The following PTPRD variants were observed in gnomAD, a reference collection of about 807,000 sequenced individuals.
The protein encoded by PTPRD is receptor-type tyrosine-protein phosphatase delta.
A neutral mutation model predicts 214.5 loss-of-function variants in PTPRD; 34 were observed. The observed-to-expected ratio is 0.16, with a 90% CI of 0.12 to 0.21. The LOEUF (loss-of-function observed/expected upper bound fraction) is 0.21, where lower values mean the gene tolerates loss of function less well. Among genes scored for constraint, PTPRD ranks in the 10% least tolerant of loss-of-function variants. The probability of loss-of-function intolerance (pLI) is 1.00; values close to 1 mark genes in which losing one functional copy is unlikely to be tolerated. For missense variants in PTPRD, 2,545 were observed against 2,398.7 expected (o/e 1.06, Z -1.27); for synonymous variants, 1,128 against 845.7 (o/e 1.33, Z -5.79).
At chr9:8,758,960 C>A (rs1460004423) in intron 11 of PTPRD, among the ~76,000 whole-genome samples, 1 of 151,886 alleles carries the variant, frequency 6.6e-6, no homozygotes, top group Non-Finnish European at 1.5e-5. Context: ...GCTGGGATTG[C>A]AGGCGTGAGC....
chr9:10,163,522 C>A (rs1011857635), intron 3 of PTPRD, among the ~76,000 whole-genome samples: 2 of 151,386 alleles, frequency 1.3e-5, no homozygotes, highest in Admixed American at 1.3e-4. Context: ...ATTAAAGTTG[C>A]TGTTATTTTT....
At chr9:10,297,575 G>A (rs2095717511) in intron 3 of PTPRD, among the ~76,000 whole-genome samples, 2 of 132,074 alleles carry the variant, frequency 1.5e-5, no homozygotes, top group Non-Finnish European at 3.1e-5. Flanking sequence ...TCTGTAATGA[G>A]TTGTGTTTTT....
chr9:8,497,167 C>T (rs2097294672), intron 26 of PTPRD, 75 bp downstream of exon 26: 2 of 1,307,046 alleles, frequency 1.5e-6, no homozygotes, highest in South Asian at 1.4e-5. Context: ...TGACAGATCA[C>T]AAATAAGTGA....
At chr9:9,570,324 C>G (rs1039235297) in intron 8 of PTPRD, among the ~76,000 whole-genome samples, 1 of 151,480 alleles carries the variant, frequency 6.6e-6, no homozygotes, top group Non-Finnish European at 1.5e-5. Flanking sequence ...TCAGTTTCCA[C>G]TATTTTCCTT....
chr9:9,685,708 A>C (rs2097154993), intron 7 of PTPRD, among the ~76,000 whole-genome samples: 1 of 145,602 alleles, frequency 6.9e-6, no homozygotes, highest in Non-Finnish European at 1.5e-5. Context: ...CATTACCCAG[A>C]AAAAAAAAAA....
At chr9:9,811,920 T>A (rs1442478535) in intron 5 of PTPRD, among the ~76,000 whole-genome samples, 6 of 152,148 alleles carry the variant, frequency 3.9e-5, no homozygotes, top group Non-Finnish European at 5.9e-5. Context: ...TAGAAATCTT[T>A]CAGGACAGGA....
intron 34 of PTPRD, among the ~76,000 whole-genome samples, chr9:8,442,112 G>A (rs1159586330): frequency 1.3e-5 from 2 of 152,132 alleles, no homozygotes; most frequent in Non-Finnish European, 2.9e-5. Flanking sequence ...GTATTTTCCA[G>A]TTATTTCTTG....
intron 4 of PTPRD, among the ~76,000 whole-genome samples, chr9:9,950,328 G>A (rs1222246335): frequency 1.3e-5 from 2 of 152,152 alleles, no homozygotes; most frequent in Non-Finnish European, 2.9e-5. Context: ...CATTTCCCAA[G>A]AGGCACAACT....
rs1821721511 is a variant in PTPRD at position 8,316,305 on chromosome 9, T to TA, written c.*1568dup. 1 of 230,862 alleles carries TA rather than the reference T, an allele frequency of 4.3e-6. No individual in the cohort carries two copies. Among genetic ancestry groups the TA allele is most frequent in the African/African-American group, 2.2e-5 (1 of 45,158 alleles). 14.3% of individuals were successfully genotyped at this position (230,862 alleles called of 1,614,324 possible). A position where few individuals can be genotyped will look rare whatever the true frequency, so the allele number is the denominator to read the frequency against. On this transcript the variant is annotated 3_prime_UTR_variant, in exon 46 of 46. Transcript: ENST00000381196. ...GTGAATGGAAATACGAACCAAAAGC[T>TA]AAAAAGAAATGCTATTAAAATAGGC... is the stretch of plus-strand genomic sequence containing the variant.
chr9:10,084,823 T>G (rs10122248), intron 3 of PTPRD, among the ~76,000 whole-genome samples: 55,429 of 151,674 alleles, frequency 0.37, 12,814 homozygotes, highest in African/African-American at 0.66. Context: ...AGCTGTAGTT[T>G]CCTGGTTCCT....
At chr9:10,043,258 A>G (rs1303013179) in intron 3 of PTPRD, among the ~76,000 whole-genome samples, 1 of 151,946 alleles carries the variant, frequency 6.6e-6, no homozygotes, top group African/African-American at 2.4e-5. Context: ...CTAGTATCTT[A>G]TTAGTTAAAT....
At position 9,013,111 on chromosome 9, in the gene PTPRD, G is replaced by C. The variant is rs139657244; in HGVS notation, c.-104+5586C>G. On this transcript the variant is annotated intron_variant, in intron 11 of 45. Transcript: ENST00000381196. ...GCTTGTTTGTTTTTTAAGCACCAAT[G>C]CTATTTGAAAATTCTTGCTAGCTCT... is the stretch of plus-strand genomic sequence containing the variant. 5.5e-3 allele frequency among the ~76,000 whole-genome samples: 843 copies of C among 152,156 alleles called. 5 individuals are homozygous for C. Among genetic ancestry groups the C allele is most frequent in the Non-Finnish European group, 9.7e-3 (662 of 67,972 alleles).
intron 11 of PTPRD, among the ~76,000 whole-genome samples, chr9:8,939,514 T>C (rs963335596): frequency 7.9e-5 from 12 of 152,308 alleles, no homozygotes; most frequent in Admixed American, 6.5e-4. Context: ...ATAAAATGTA[T>C]AGCATTGCTG....
At chr9:10,561,907 A>G (rs1162027290) in intron 2 of PTPRD, among the ~76,000 whole-genome samples, 2 of 152,158 alleles carry the variant, frequency 1.3e-5, no homozygotes, top group African/African-American at 2.4e-5. Context: ...ATAAATAAGT[A>G]TGTATTTTAT....
At chr9:9,286,721 T>G (rs539338562) in intron 9 of PTPRD, among the ~76,000 whole-genome samples, 1 of 150,700 alleles carries the variant, frequency 6.6e-6, no homozygotes, top group Non-Finnish European at 1.5e-5. Flanking sequence ...GTAGTTGTCA[T>G]TTTGCACATC....
chr9:10,142,031 C>T (rs1390196584), intron 3 of PTPRD, among the ~76,000 whole-genome samples: 1 of 151,978 alleles, frequency 6.6e-6, no homozygotes, highest in Non-Finnish European at 1.5e-5. Context: ...GGAAAGGATT[C>T]CCTATTTAAT....
intron 11 of PTPRD, among the ~76,000 whole-genome samples, chr9:8,801,764 T>C (rs1314143270): frequency 6.6e-6 from 1 of 152,202 alleles, no homozygotes; most frequent in Non-Finnish European, 1.5e-5. Context: ...ACAGGAGTGT[T>C]ACCCATTAAA....
intron 3 of PTPRD, among the ~76,000 whole-genome samples, chr9:10,290,071 A>T (rs1259085422): frequency 6.6e-6 from 1 of 152,172 alleles, no homozygotes; most frequent in African/African-American, 2.4e-5. Flanking sequence ...TGACCATAAT[A>T]CATTACTGAA....
intron 3 of PTPRD, among the ~76,000 whole-genome samples, chr9:10,218,503 C>A (rs1014759444): frequency 1.2e-4 from 18 of 151,868 alleles, no homozygotes; most frequent in African/African-American, 4.3e-4. Flanking sequence ...ATTTGATAAA[C>A]CTTACTCAAC....
Sources: allele counts gnomAD v4.1 joint callset (sites outside exome capture counted in the v4.1 genomes callset), GRCh38; gene constraint gnomAD v4.1.1; transcripts MANE v1.5; gene names NCBI Gene and HGNC (gene_info 2026-07-23, HGNC 2026-07-21).